The following PCBP3 variants were observed in gnomAD, a reference collection of about 807,000 sequenced individuals.
The protein encoded by PCBP3 is poly(rC)-binding protein 3.
In PCBP3, 25 loss-of-function variants were observed where a neutral mutation model predicts 52.7. The observed-to-expected ratio is 0.47, with a 90% CI of 0.35 to 0.66. The LOEUF (loss-of-function observed/expected upper bound fraction) is 0.66, where lower values mean the gene tolerates loss of function less well. Ranked by LOEUF, PCBP3 falls within the 30% of genes least tolerant of loss-of-function variation. PCBP3 has a pLI of 0.01. For synonymous variants in PCBP3, 162 were observed against 183.0 expected (o/e 0.89, Z 0.93); for missense variants, 391 against 490.3 (o/e 0.80, Z 1.91).
chr21:45,653,246 T>C (rs2079803355), intron 1 of PCBP3, among the ~76,000 whole-genome samples: 2 of 152,206 alleles, frequency 1.3e-5, no homozygotes, highest in Non-Finnish European at 2.9e-5. Context: ...ATATTCTGTT[T>C]AGCTGAGTTG....
At chr21:45,894,704 T>C (rs912781556) in intron 5 of PCBP3, among the ~76,000 whole-genome samples, 2 of 152,246 alleles carry the variant, frequency 1.3e-5, no homozygotes, top group Admixed American at 6.5e-5. Context: ...CGAGGCTGTT[T>C]GGCACTTTAA....
intron 2 of PCBP3, among the ~76,000 whole-genome samples, chr21:45,726,255 G>A (rs1428675112): frequency 6.6e-6 from 1 of 152,106 alleles, no homozygotes; most frequent in Non-Finnish European, 1.5e-5. Context: ...GCTTGGCCAG[G>A]TAGGCAGTGG....
rs145599195 is a variant in PCBP3, at chr21:45,847,989, T to A, written c.-125-1972T>A. Among the ~76,000 whole-genome samples, 14 of 152,346 alleles carry A rather than the reference T, an allele frequency of 9.2e-5. 1 individual carries two copies. Among genetic ancestry groups the A allele is most frequent in the African/African-American group, 3.1e-4 (13 of 41,574 alleles). The stretch of plus-strand genomic sequence containing the variant: ...CTGTATCTGGCAGCTTCTCTGCGCG[T>A]CTCTCACCTCTTGGTCAGCCTCATG... On this transcript the variant is annotated intron_variant, in intron 4 of 17. Coordinates refer to ENST00000681687, the MANE Select transcript of PCBP3 (RefSeq NM_001384156.1).
At chr21:45,652,179 G>A (rs559015514) in intron 1 of PCBP3, among the ~76,000 whole-genome samples, 1 of 152,254 alleles carries the variant, frequency 6.6e-6, no homozygotes, top group East Asian at 1.9e-4. Flanking sequence ...GCTGTTCTGA[G>A]CCAGCCCTTG....
At chr21:45,712,286 A>G (rs1267259427) in intron 2 of PCBP3, among the ~76,000 whole-genome samples, 2 of 152,252 alleles carry the variant, frequency 1.3e-5, no homozygotes, top group Admixed American at 6.5e-5. Flanking sequence ...TTGCTGGATC[A>G]TATTGTAAAA....
At chr21:45,815,012 TGATG>T (rs2092840987) in intron 4 of PCBP3, among the ~76,000 whole-genome samples, 1 of 98,626 alleles carries the variant, frequency 1.0e-5, no homozygotes. Flanking sequence ...GAGTGGTGAG[TGATG>T]AGTGAGTGGT....
chr21:45,900,240 C>G (rs2095994316), intron 7 of PCBP3, among the ~76,000 whole-genome samples: 1 of 152,208 alleles, frequency 6.6e-6, no homozygotes, highest in Non-Finnish European at 1.5e-5. Context: ...GGAGGCTGAG[C>G]CAGAGTGTAG....
At chr21:45,910,371 C>A (rs1284956669) in intron 10 of PCBP3, among the ~76,000 whole-genome samples, 1 of 151,852 alleles carries the variant, frequency 6.6e-6, no homozygotes, top group East Asian at 2.0e-4. Flanking sequence ...GCTGTATCTA[C>A]TCCCTGTGAG....
At chr21:45,649,112 G>C (rs2079515630) in intron 1 of PCBP3, among the ~76,000 whole-genome samples, 1 of 152,212 alleles carries the variant, frequency 6.6e-6, no homozygotes, top group Non-Finnish European at 1.5e-5. Flanking sequence ...TGGACTTACA[G>C]TTCCACGTGG....
intron 2 of PCBP3, among the ~76,000 whole-genome samples, chr21:45,681,647 T>C (rs1273202070): frequency 6.6e-6 from 1 of 152,242 alleles, no homozygotes; most frequent in Non-Finnish European, 1.5e-5. Flanking sequence ...GAATTCCATT[T>C]TTTAATACTT....
At chr21:45,658,157 T>G (rs965757552) in intron 1 of PCBP3, among the ~76,000 whole-genome samples, 1 of 152,240 alleles carries the variant, frequency 6.6e-6, no homozygotes, top group African/African-American at 2.4e-5. Context: ...GCATCTATAC[T>G]GTTATTTTTG....
At chr21:45,742,386 C>A (rs1349399554) in intron 3 of PCBP3, among the ~76,000 whole-genome samples, 1 of 152,252 alleles carries the variant, frequency 6.6e-6, no homozygotes, top group African/African-American at 2.4e-5. Flanking sequence ...CAGAAGCACA[C>A]TGAACACACA....
intron 9 of PCBP3, among the ~76,000 whole-genome samples, chr21:45,907,239 G>T (rs560676354): frequency 6.6e-5 from 10 of 152,348 alleles, no homozygotes; most frequent in African/African-American, 2.2e-4. Flanking sequence ...TAGCTCTCTG[G>T]TCTGCAGGAG....
At chr21:45,831,829 G>A (rs971394129) in intron 4 of PCBP3, among the ~76,000 whole-genome samples, 1 of 152,182 alleles carries the variant, frequency 6.6e-6, no homozygotes, top group Non-Finnish European at 1.5e-5. Context: ...TCCTGCCTCA[G>A]CCTCCTGAGT....
chr21:45,748,778 C>T (rs1160882904), intron 3 of PCBP3, among the ~76,000 whole-genome samples: 2 of 152,192 alleles, frequency 1.3e-5, no homozygotes, highest in Non-Finnish European at 2.9e-5. Flanking sequence ...GCACAAGTCA[C>T]GGGAAGAGAA....
rs753735130 is a variant in PCBP3, at chr21:45,909,407, C to T, written c.392C>T (p.Thr131Met). Residue 131 changes from threonine to methionine, a missense_variant, in exon 10 of 18, where the codon ACG (threonine) becomes ATG (methionine). By Grantham distance (81) the Thr-to-Met change is moderately conservative. Transcript: ENST00000681687. ...CCTGCCACCAGCAAGCCCCCAGTGA[C>T]GCTGAGGCTGGTGGTGCCTGCCAGC... ...NSPATSKPPV[T>M]LRLVVPASQC... 5 of 1,613,372 alleles carry T rather than the reference C, an allele frequency of 3.1e-6. No homozygotes were observed. Among genetic ancestry groups the T allele is most frequent in the Non-Finnish European group, 4.2e-6 (5 of 1,179,722 alleles).
At chr21:45,665,699 G>A (rs2080752034) in intron 1 of PCBP3, among the ~76,000 whole-genome samples, 1 of 152,130 alleles carries the variant, frequency 6.6e-6, no homozygotes, top group South Asian at 2.1e-4. Context: ...GTGTAAAGAA[G>A]AACCGGTACT....
intron 2 of PCBP3, among the ~76,000 whole-genome samples, chr21:45,679,080 T>C (rs1283539250): frequency 3.3e-5 from 1 of 30,580 alleles, no homozygotes; most frequent in African/African-American, 1.1e-4. Context: ...TTGTTAGCAT[T>C]TTTTTTTTTT....
At chr21:45,824,131 C>G (rs1166706577) in intron 4 of PCBP3, among the ~76,000 whole-genome samples, 2 of 152,172 alleles carry the variant, frequency 1.3e-5, no homozygotes, top group Non-Finnish European at 1.5e-5. Flanking sequence ...TTGATGGTTT[C>G]ATCCCATTTG....
Sources: allele counts gnomAD v4.1 joint callset (sites outside exome capture counted in the v4.1 genomes callset), GRCh38; gene constraint gnomAD v4.1.1; transcripts MANE v1.5; gene names NCBI Gene and HGNC (gene_info 2026-07-23, HGNC 2026-07-21).